The following DMXL1 variants were observed in gnomAD, a reference collection of about 807,000 sequenced individuals.
DMXL1 encodes the protein Dmx like 1, also known as dmX-like protein 1.
A neutral mutation model predicts 319.2 loss-of-function variants in DMXL1; 99 were observed. That is an observed-to-expected ratio of 0.31 (90% CI 0.26 to 0.37). DMXL1 has a LOEUF of 0.37. DMXL1 is among the 10% of genes least tolerant of loss of function. The pLI, the probability that DMXL1 is intolerant of heterozygous loss-of-function variation, is 1.00. For missense variants in DMXL1, 3,745 were observed against 3,595.6 expected (o/e 1.04, Z -1.06); for synonymous variants, 1,385 against 1,235.2 (o/e 1.12, Z -2.54).
At chr5:119,221,796 T>TA (rs1554148260) in intron 37 of DMXL1, among the ~76,000 whole-genome samples, 4,045 of 151,648 alleles carry the variant, frequency 0.027, 171 homozygotes, top group African/African-American at 0.093. Flanking sequence ...TTTTTTTTTT[T>TA]AACAAAAACA....
At chr5:119,109,047 C>T (rs1424949490) in intron 4 of DMXL1, among the ~76,000 whole-genome samples, 9 of 152,024 alleles carry the variant, frequency 5.9e-5, no homozygotes, top group African/African-American at 9.7e-5. Flanking sequence ...GTGATCCACC[C>T]GCCTTGGCCT....
At chr5:119,220,686 G>A (rs1784498963) in intron 36 of DMXL1, 93 bp downstream of exon 36, 1 of 1,457,000 alleles carries the variant, frequency 6.9e-7, no homozygotes, top group African/African-American at 1.4e-5. Context: ...TTAAAGCAAT[G>A]TATAGATTGT....
chr5:119,149,638 T>C lies in DMXL1; in HGVS notation c.3811T>C (p.Ser1271Pro), dbSNP rs148450699. 5.9e-5 allele frequency: 95 copies of C among 1,613,676 alleles called. No homozygotes were observed. Among genetic ancestry groups the C allele is most frequent in the Middle Eastern group, 1.6e-4 (1 of 6,084 alleles). ...SITSLIKQSN[S>P]SSGLHPPKKT... ...AACAAGTTTAATAAAACAGAGTAAC[T>C]CCAGTTCTGGGTTACATCCTCCAAA... The change falls in exon 18 of 44, where the codon TCC becomes CCC. Residue 1271 changes from serine to proline, a missense_variant. Physicochemically the swap from Ser to Pro is moderately conservative, Grantham distance 74. Coordinates refer to ENST00000539542, the MANE Select transcript of DMXL1 (RefSeq NM_001290321.3).
chr5:119,245,048 A>T (rs1365312253), intron 43 of DMXL1, among the ~76,000 whole-genome samples: 1 of 152,182 alleles, frequency 6.6e-6, no homozygotes, highest in Non-Finnish European at 1.5e-5. Context: ...AAAACTTAAG[A>T]CAGGTTTTTT....
rs569833702 is a variant in DMXL1 at position 119,227,339 on chromosome 5, G to A, written c.8338+2570G>A. Among the ~76,000 whole-genome samples the A allele has an allele frequency of 5.3e-5, 8 of 152,108 alleles. No homozygotes were observed. In the South Asian group the frequency reaches 1.7e-3, roughly 32 times the overall value. ...CATACACTTGATAGGTTCTATATAA[G>A]CCTAGCTGAGTAAAAGTGAAGTCTG... On this transcript the variant is annotated intron_variant, in intron 38 of 43. Transcript: ENST00000539542.
intron 5 of DMXL1, among the ~76,000 whole-genome samples, chr5:119,112,234 T>A (rs999683783): frequency 2.2e-4 from 34 of 152,332 alleles, no homozygotes; most frequent in African/African-American, 7.9e-4. Context: ...GTGCTGGGAT[T>A]ACAGGCATGA....
intron 1 of DMXL1, among the ~76,000 whole-genome samples, chr5:119,083,563 A>G (rs1464252843): frequency 6.6e-6 from 1 of 151,890 alleles, no homozygotes; most frequent in Non-Finnish European, 1.5e-5. Flanking sequence ...ATTTTTTGAG[A>G]TAGAGTCTTG....
chr5:119,248,541 A>G lies in DMXL1; in HGVS notation c.*1322A>G, dbSNP rs1212102639. On this transcript the variant is annotated 3_prime_UTR_variant, in exon 44 of 44. Coordinates refer to ENST00000539542, the MANE Select transcript of DMXL1 (RefSeq NM_001290321.3). Reference sequence around the variant, plus strand: ...GGGACAATTATGTACTATTTAACTTAAATATATTTTGTTTAATAGGAAATA... The same window carrying G: ...GGGACAATTATGTACTATTTAACTTGAATATATTTTGTTTAATAGGAAATA... 6.6e-6 allele frequency: 1 copy of G among 152,464 alleles called. No homozygotes were observed. The highest frequency in any genetic ancestry group is 2.4e-5 in the African/African-American group (1 of 41,440). 9.4% of individuals were successfully genotyped at this position (152,464 alleles called of 1,614,324 possible).
At chr5:119,210,894 G>C (rs1308126437) in intron 34 of DMXL1, among the ~76,000 whole-genome samples, 1 of 147,300 alleles carries the variant, frequency 6.8e-6, no homozygotes, top group Non-Finnish European at 1.5e-5. Context: ...TAAGTATAAT[G>C]TTTTCTTTAA....
At chr5:119,099,128 C>G (rs1202994977) in intron 2 of DMXL1, among the ~76,000 whole-genome samples, 3 of 151,276 alleles carry the variant, frequency 2.0e-5, no homozygotes, top group Non-Finnish European at 4.4e-5. Flanking sequence ...TGACTTCTCG[C>G]TGTACAACAA....
At position 119,197,868 on chromosome 5, in the gene DMXL1, G is replaced by C; in HGVS notation, c.7657G>C (p.Ala2553Pro). 1.2e-6 allele frequency: 2 copies of C among 1,614,092 alleles called. No homozygotes were observed. The highest frequency in any genetic ancestry group is 8.5e-7 in the Non-Finnish European group (1 of 1,180,014). The change falls in exon 32 of 44, where the codon GCA becomes CCA. Residue 2553 changes from alanine to proline, a missense_variant. By Grantham distance (27) the Ala-to-Pro change is conservative (BLOSUM62 -1). Coordinates refer to ENST00000539542, the MANE Select transcript of DMXL1 (RefSeq NM_001290321.3). ...IHGGPPQNYI[A>P]SHTAEESLSA... ...TGGTGGGCCACCTCAAAATTATATCGCAAGTCATACCGCCGAAGAGAGTTT... is the reference window on the plus strand; with the variant it reads ...TGGTGGGCCACCTCAAAATTATATCCCAAGTCATACCGCCGAAGAGAGTTT...
At chr5:119,205,196 T>G (rs937989709) in intron 33 of DMXL1, among the ~76,000 whole-genome samples, 3 of 152,148 alleles carry the variant, frequency 2.0e-5, no homozygotes, top group Non-Finnish European at 2.9e-5. Context: ...TAGAAAAATC[T>G]TATTTTTCTA....
Position 119,143,859 on chromosome 5 carries a change from T to C in DMXL1, c.2395T>C (p.Phe799Leu), listed in dbSNP as rs770783550. Residue 799 changes from phenylalanine to leucine, a missense_variant, in exon 14 of 44, where the codon TTT (phenylalanine) becomes CTT (leucine). Phe to Leu is a conservative substitution (Grantham distance 22, BLOSUM62 0). This residue lies in a region of DMXL1 where 2,096 missense variants were observed against 1,985.4 expected (regional missense o/e 1.06). Transcript: ENST00000539542. ...AAAACAGAAATATGTTGGTGAAGTC[T>C]TTAACATCGTCAGTCAACAATCAAC... is the stretch of plus-strand genomic sequence containing the variant. Reference protein sequence around the residue: ...PEISKYVGEVFNIVSQQSTAR... With the variant: ...PEISKYVGEVLNIVSQQSTAR... 36 of 1,586,046 alleles carry C rather than the reference T, an allele frequency of 2.3e-5. No individual in the cohort carries two copies. Among genetic ancestry groups the C allele is most frequent in the Non-Finnish European group, 2.8e-5 (33 of 1,166,974 alleles).
rs1436048969 is a variant in DMXL1 at position 119,143,850 on chromosome 5, G to T, written c.2386G>T (p.Gly796Cys). 1.3e-6 allele frequency: 2 copies of T among 1,574,080 alleles called. No homozygotes were observed. The highest frequency in any genetic ancestry group is 4.6e-5 in the East Asian group (2 of 43,204). ...TTTTTAAAAAAAACAGAAATATGTT[G>T]GTGAAGTCTTTAACATCGTCAGTCA... ...LSNPEISKYVGEVFNIVSQQS... is the reference protein window; with the variant it reads ...LSNPEISKYVCEVFNIVSQQS... The change falls in exon 14 of 44, where the codon GGT (glycine) becomes TGT (cysteine). Residue 796 changes from glycine (G) to cysteine (C), a missense_variant. Around this residue, in one of 4 missense-constraint regions of DMXL1, gnomAD observed 2,096 missense variants for 1,985.4 expected, o/e 1.06. Coordinates refer to ENST00000539542, the MANE Select transcript of DMXL1 (RefSeq NM_001290321.3).
chr5:119,219,307 A>G (rs1051589846), intron 35 of DMXL1, among the ~76,000 whole-genome samples: 30 of 152,350 alleles, frequency 2.0e-4, no homozygotes, highest in Middle Eastern at 3.4e-3. Context: ...GACGATAGTT[A>G]TACAAACATC....
At chr5:119,122,647 C>A (rs1762444317) in intron 9 of DMXL1, among the ~76,000 whole-genome samples, 2 of 151,428 alleles carry the variant, frequency 1.3e-5, no homozygotes, top group African/African-American at 4.8e-5. Flanking sequence ...GGCAGAGACG[C>A]CCTTCCCCTC....
intron 33 of DMXL1, among the ~76,000 whole-genome samples, chr5:119,204,430 C>T (rs371485687): frequency 2.9e-4 from 44 of 152,304 alleles, no homozygotes; most frequent in East Asian, 1.9e-3. Flanking sequence ...TGAGCCACTG[C>T]ACCCAGCCAA....
intron 34 of DMXL1, among the ~76,000 whole-genome samples, chr5:119,208,064 A>G (rs1029913606): frequency 1.3e-5 from 2 of 152,134 alleles, no homozygotes; most frequent in African/African-American, 2.4e-5. Flanking sequence ...ACTTTTGCAA[A>G]ATAAGTCTGT....
Position 119,173,776 on chromosome 5 carries a change from G to GTGTATGTATATATA in DMXL1, c.6682-1484_6682-1483insGTATGTATATATAT. 5.2e-4 allele frequency among the ~76,000 whole-genome samples: 35 copies of GTGTATGTATATATA among 67,172 alleles called. 5 individuals carry two copies. Among genetic ancestry groups the GTGTATGTATATATA allele is most frequent in the African/African-American group, 1.8e-3 (33 of 18,016 alleles). The allele number at this position is 67,172 out of a possible 152,430, so 44.1% of individuals were successfully genotyped here. On this transcript the variant is annotated intron_variant, in intron 25 of 43. Coordinates refer to ENST00000539542, the MANE Select transcript of DMXL1 (RefSeq NM_001290321.3). ...TGTGTATATATATATATGTGTGTGT[G>GTGTATGTATATATA]TATATATATATATATATATATAATG... is the stretch of plus-strand genomic sequence containing the variant.
Sources: gnomAD v4.1 joint callset for allele counts (sites outside exome capture counted in the v4.1 genomes callset) on GRCh38, gnomAD v4.1.1 for gene constraint, gnomAD v4.1.1 regional missense constraint, MANE v1.5 for transcripts, NCBI Gene and HGNC (gene_info 2026-07-23, HGNC 2026-07-21) for gene names.